The following NUP93 variants were observed in gnomAD, a reference collection of about 807,000 sequenced individuals.
The protein encoded by NUP93 is nucleoporin 93.
NUP93 carries 55 observed loss-of-function variants against 107.8 expected under a neutral mutation model. The observed-to-expected ratio is 0.51, with a 90% CI of 0.41 to 0.64. NUP93 has a LOEUF of 0.64. Among genes scored for constraint, NUP93 ranks in the 30% least tolerant of loss-of-function variants. The pLI is 0.00. For missense variants in NUP93, 937 were observed against 1,044.7 expected (o/e 0.90, Z 1.42); for synonymous variants, 390 against 397.5 (o/e 0.98, Z 0.22).
At chr16:56,742,375 G>C (rs1028336219) in intron 1 of NUP93, among the ~76,000 whole-genome samples, 1 of 152,158 alleles carries the variant, frequency 6.6e-6, no homozygotes, top group African/African-American at 2.4e-5. Context: ...ACTAAGAAGG[G>C]TTTTTACGTC....
intron 3 of NUP93, among the ~76,000 whole-genome samples, chr16:56,768,073 T>G (rs1312930786): frequency 4.6e-5 from 7 of 152,276 alleles, no homozygotes; most frequent in African/African-American, 1.7e-4. Context: ...CTCAGTTTGC[T>G]GTAAAAATCT....
intron 3 of NUP93, chr16:56,783,681 A>G (rs1962562642): frequency 1.0e-6 from 1 of 985,422 alleles, no homozygotes; most frequent in Non-Finnish European, 1.2e-6. Flanking sequence ...ATTTTTAACA[A>G]TTAGCTGTAT....
chr16:56,740,798 C>A (rs1186400222), intron 1 of NUP93: 1 of 160,396 alleles, frequency 6.2e-6, no homozygotes, highest in African/African-American at 2.4e-5. Context: ...CCGAGGTTGG[C>A]GGATCACTCG....
chr16:56,739,606 G>A (rs1221109898), intron 1 of NUP93, among the ~76,000 whole-genome samples: 1 of 116,824 alleles, frequency 8.6e-6, no homozygotes, highest in African/African-American at 3.6e-5. Flanking sequence ...CGGATGGGGC[G>A]GCTGGCCGGG....
At chr16:56,791,792 A>C (rs752624164) in intron 3 of NUP93, among the ~76,000 whole-genome samples, 5 of 152,226 alleles carry the variant, frequency 3.3e-5, no homozygotes, top group African/African-American at 9.6e-5. Context: ...TCTCTGTCAA[A>C]GATGGAACAC....
chr16:56,832,392 A>C lies in NUP93; in HGVS notation c.1345+4A>C. 6.2e-7 allele frequency: 1 copy of C among 1,609,524 alleles called. No homozygotes were observed. Among genetic ancestry groups the C allele is most frequent in the Non-Finnish European group, 8.5e-7 (1 of 1,175,752 alleles). On this transcript the variant is annotated splice_donor_region_variant and intron_variant, in intron 12 of 21. Transcript: ENST00000308159. ...AAGCAGTTGTTGGAAGACTATGGTA[A>C]GATTCTGGACATAACCACCTTTCCC...
intron 8 of NUP93, among the ~76,000 whole-genome samples, chr16:56,825,130 C>T (rs537043934): frequency 2.0e-5 from 3 of 150,238 alleles, no homozygotes; most frequent in African/African-American, 7.4e-5. Flanking sequence ...AATCTGGGCT[C>T]GCTGCAACGT....
chr16:56,754,972 A>C (rs1395467641), intron 2 of NUP93, among the ~76,000 whole-genome samples: 1 of 152,242 alleles, frequency 6.6e-6, no homozygotes, highest in Non-Finnish European at 1.5e-5. Flanking sequence ...GGCTGTAATC[A>C]AAAAGATAGT....
At chr16:56,761,131 G>A (rs1962119180) in intron 3 of NUP93, among the ~76,000 whole-genome samples, 1 of 152,216 alleles carries the variant, frequency 6.6e-6, no homozygotes, top group Non-Finnish European at 1.5e-5. Context: ...TAAGTTCTCT[G>A]TTCACTTCAT....
chr16:56,819,050 CCATATTAACTGAATTACCTGGT>C (rs1405256393), intron 6 of NUP93, among the ~76,000 whole-genome samples: 82 of 152,286 alleles, frequency 5.4e-4, no homozygotes, highest in African/African-American at 1.9e-3. Flanking sequence ...AAATGGAGTT[CCATATTAACTGAATTACCTGGT>C]AGGCTGTTGG....
intron 4 of NUP93, among the ~76,000 whole-genome samples, chr16:56,803,417 A>T (rs1004601530): frequency 2.0e-5 from 3 of 152,140 alleles, no homozygotes; most frequent in South Asian, 4.1e-4. Flanking sequence ...GTGAGCTGAG[A>T]TCGTTCTGCT....
chr16:56,735,882 G>C (rs1313651600), intron 1 of NUP93, among the ~76,000 whole-genome samples: 2 of 151,664 alleles, frequency 1.3e-5, no homozygotes, highest in Non-Finnish European at 2.9e-5. Context: ...GGTGCATAGA[G>C]TTGGGGGCAG....
intron 1 of NUP93, among the ~76,000 whole-genome samples, chr16:56,736,581 G>A (rs1207440477): frequency 3.9e-5 from 6 of 152,218 alleles, no homozygotes; most frequent in Admixed American, 3.9e-4. Flanking sequence ...CAAAGGAACA[G>A]GGTGAGTTAG....
chr16:56,740,515 G>T (rs1172604790), intron 1 of NUP93, among the ~76,000 whole-genome samples: 1 of 148,802 alleles, frequency 6.7e-6, no homozygotes, highest in Non-Finnish European at 1.5e-5. Flanking sequence ...GATGGCGGCC[G>T]GGCGGAGACG....
intron 17 of NUP93, 42 bp from the exon 18 acceptor site, chr16:56,837,566 T>C: frequency 8.8e-7 from 1 of 1,136,548 alleles, no homozygotes; most frequent in Admixed American, 2.0e-5. Context: ...CTTTTATTGA[T>C]TACTTTATTG....
rs1963913781 is a variant in NUP93 at position 56,836,484 on chromosome 16, A to G, written c.1783-117A>G. 7.4e-6 allele frequency: 5 copies of G among 679,724 alleles called. No individual in the cohort carries two copies. In the East Asian group the frequency reaches 1.2e-4, roughly 17 times the overall value. 42.1% of individuals were successfully genotyped at this position (679,724 alleles called of 1,614,324 possible). ...GGCTGATGAAATATATGCGTTGCCC[A>G]GGGCAAGCAATTCCACTTGAAGTAT... On this transcript the variant is annotated intron_variant, in intron 16 of 21. Coordinates refer to ENST00000308159, the MANE Select transcript of NUP93 (RefSeq NM_014669.5).
At chr16:56,827,945 C>T (rs1251892982) in intron 8 of NUP93, among the ~76,000 whole-genome samples, 1 of 152,094 alleles carries the variant, frequency 6.6e-6, no homozygotes, top group African/African-American at 2.4e-5. Flanking sequence ...AATGGTGAAA[C>T]CCCATCTCTA....
At chr16:56,779,709 G>C (rs1327997322) in intron 3 of NUP93, among the ~76,000 whole-genome samples, 2 of 152,168 alleles carry the variant, frequency 1.3e-5, no homozygotes, top group Non-Finnish European at 2.9e-5. Context: ...GGAGGAAGAA[G>C]GGGCTGAGCT....
At chr16:56,810,746 C>A (rs1219902239) in intron 5 of NUP93, among the ~76,000 whole-genome samples, 3 of 92,410 alleles carry the variant, frequency 3.2e-5, no homozygotes, top group Admixed American at 3.0e-4. Flanking sequence ...CCCAGAAATC[C>A]TCTTTGTGGT....
Sources: allele counts gnomAD v4.1 joint callset (sites outside exome capture counted in the v4.1 genomes callset), GRCh38; gene constraint gnomAD v4.1.1; transcripts MANE v1.5; gene names NCBI Gene and HGNC (gene_info 2026-07-23, HGNC 2026-07-21).